The following LNPK variants were observed in gnomAD, a reference collection of about 807,000 sequenced individuals.
LNPK encodes endoplasmic reticulum junction formation protein lunapark.
In LNPK, 29 loss-of-function variants were observed where a neutral mutation model predicts 55.2. That is an observed-to-expected ratio of 0.53 (90% CI 0.39 to 0.72). The LOEUF (loss-of-function observed/expected upper bound fraction) is 0.72. LNPK is among the 30% of genes least tolerant of loss of function. The probability of loss-of-function intolerance (pLI) is 0.00; values close to 1 mark genes in which losing one functional copy is unlikely to be tolerated. For synonymous variants in LNPK, 162 were observed against 168.2 expected (o/e 0.96, Z 0.29); for missense variants, 467 against 494.8 (o/e 0.94, Z 0.53).
intron 9 of LNPK, among the ~76,000 whole-genome samples, chr2:175,944,306 T>C (rs953102015): frequency 2.0e-5 from 3 of 152,104 alleles, no homozygotes; most frequent in African/African-American, 7.2e-5. Flanking sequence ...ACTGTGTTCA[T>C]GTAATAAATT....
At chr2:175,937,281 T>C (rs1302871976) in intron 12 of LNPK, 63 bp downstream of exon 12, 19 of 1,466,728 alleles carry the variant, frequency 1.3e-5, no homozygotes, top group Non-Finnish European at 1.5e-5. Flanking sequence ...AAAAGCATTA[T>C]GCTTTTATTA....
intron 12 of LNPK, among the ~76,000 whole-genome samples, chr2:175,934,713 C>T (rs540240899): frequency 6.6e-6 from 1 of 151,512 alleles, no homozygotes; most frequent in African/African-American, 2.4e-5. Context: ...TATTACGGTA[C>T]TATCTATTTA....
intron 4 of LNPK, among the ~76,000 whole-genome samples, chr2:175,988,867 G>A (rs528422609): frequency 2.6e-5 from 4 of 152,188 alleles, no homozygotes; most frequent in South Asian, 2.1e-4. Flanking sequence ...TCTGCCTCCC[G>A]GGTTCACGCC....
At chr2:175,977,840 G>A (rs1364874787) in intron 5 of LNPK, among the ~76,000 whole-genome samples, 1 of 152,092 alleles carries the variant, frequency 6.6e-6, no homozygotes, top group Non-Finnish European at 1.5e-5. Flanking sequence ...GGTTAGGAGA[G>A]GTTTTTTCCC....
intron 11 of LNPK, chr2:175,937,837 AG>A (rs1395624856): frequency 1.0e-5 from 2 of 195,816 alleles, no homozygotes; most frequent in African/African-American, 4.7e-5. Flanking sequence ...TTACATTTCT[AG>A]TAACCAGAAT....
chr2:175,958,091 C>A (rs910490436), intron 8 of LNPK, among the ~76,000 whole-genome samples: 3 of 152,228 alleles, frequency 2.0e-5, no homozygotes, highest in African/African-American at 7.2e-5. Flanking sequence ...CTCAGCTCAA[C>A]CAGGCCTGCC....
Position 175,993,316 on chromosome 2 carries a change from T to A in LNPK, c.28-93A>T, listed in dbSNP as rs1206297447. ...CATTAAAGAACATTTATTTCAAAAT[T>A]AAATTTTCTCAAATCTTGTCAAATA... is the stretch of plus-strand genomic sequence containing the variant. On this transcript the variant is annotated intron_variant, in intron 2 of 12. Transcript: ENST00000272748. 4.1e-6 allele frequency: 3 copies of A among 724,040 alleles called. No homozygotes were observed. The African/African-American group carries it at 5.6e-5, about 14-fold the overall frequency. The allele number at this position is 724,040 out of a possible 1,614,324, so 44.9% of individuals were successfully genotyped here.
intron 5 of LNPK, among the ~76,000 whole-genome samples, chr2:175,975,874 A>G (rs1686885359): frequency 6.6e-6 from 1 of 152,148 alleles, no homozygotes; most frequent in Non-Finnish European, 1.5e-5. Flanking sequence ...TTAGCTGGGC[A>G]TGGTGGCGGG....
chr2:175,932,057 C>T (rs949394865), intron 12 of LNPK: 2 of 388,622 alleles, frequency 5.1e-6, no homozygotes, highest in Non-Finnish European at 1.0e-5. Flanking sequence ...AATGAAAAAA[C>T]AAAAAGCTAA....
At chr2:175,994,795 C>T (rs114230339) in intron 2 of LNPK, among the ~76,000 whole-genome samples, 2,455 of 152,220 alleles carry the variant, frequency 0.016, 72 homozygotes, top group African/African-American at 0.055. Context: ...AATCAAACTG[C>T]ATTTCTAATT....
Position 176,000,514 on chromosome 2 carries a change from A to G in LNPK, c.-63+1646T>C, listed in dbSNP as rs558324364. ...AAAGCACCTATTTCATAATTCTAAA[A>G]TTGGAAAATTATATTAGTTTGTATT... is the stretch of plus-strand genomic sequence containing the variant. On this transcript the variant is annotated intron_variant, in intron 1 of 12. Transcript: ENST00000272748. Among the ~76,000 whole-genome samples, 8 of 152,348 alleles carry G rather than the reference A, an allele frequency of 5.3e-5. No individual in the cohort carries two copies. In the South Asian group the frequency reaches 1.7e-3, roughly 32 times the overall value.
chr2:175,944,506 A>C (rs1187266147), intron 9 of LNPK, among the ~76,000 whole-genome samples: 1 of 152,192 alleles, frequency 6.6e-6, no homozygotes, highest in East Asian at 1.9e-4. Flanking sequence ...CTCTGAATTG[A>C]GACAACACAG....
At position 175,937,633 on chromosome 2, in the gene LNPK, T is replaced by C. The variant is rs1684620093; in HGVS notation, c.884-119A>G. 4.7e-6 allele frequency: 3 copies of C among 642,548 alleles called. No homozygotes were observed. In the Admixed American group the frequency reaches 9.1e-5, roughly 20 times the overall value. 39.8% of individuals were successfully genotyped at this position (642,548 alleles called of 1,614,324 possible). A position where few individuals can be genotyped will look rare whatever the true frequency, so the allele number is the denominator to read the frequency against. On this transcript the variant is annotated intron_variant, in intron 11 of 12. Transcript: ENST00000272748. ...CAAAAGAACCTTTTAAAAGTTACTGTGTATGTTATTTAAATAATAATATGG... is the reference window on the plus strand; with the variant it reads ...CAAAAGAACCTTTTAAAAGTTACTGCGTATGTTATTTAAATAATAATATGG...
intron 12 of LNPK, among the ~76,000 whole-genome samples, chr2:175,931,685 G>A (rs1029074805): frequency 6.6e-6 from 1 of 152,006 alleles, no homozygotes; most frequent in African/African-American, 2.4e-5. Context: ...TCTTAACATG[G>A]CACTTAAAAT....
chr2:175,953,266 C>A (rs539033805), intron 8 of LNPK, among the ~76,000 whole-genome samples: 10 of 152,146 alleles, frequency 6.6e-5, no homozygotes, highest in African/African-American at 2.4e-4. Flanking sequence ...ACTCTATTTT[C>A]TCTCTCTGGG....
rs1327165337 is a variant in LNPK at position 175,971,534 on chromosome 2, A to G, written c.317-730T>C. ...AGAACTTATGGCTTGAATATTATCA[A>G]ATGAAATGTAAATAACTGTTCTTAA... is the stretch of plus-strand genomic sequence containing the variant. On this transcript the variant is annotated intron_variant, in intron 5 of 12. Coordinates refer to ENST00000272748, the MANE Select transcript of LNPK (RefSeq NM_030650.3). Among the ~76,000 whole-genome samples the G allele has an allele frequency of 2.0e-5, 3 of 152,146 alleles. No individual in the cohort carries two copies. In the East Asian group the frequency reaches 5.8e-4, roughly 29 times the overall value.
upstream of LNPK, chr2:176,002,348 C>A: frequency 2.4e-6 from 1 of 414,184 alleles, no homozygotes; most frequent in Admixed American, 2.7e-5. Flanking sequence ...GCGCCGCTCC[C>A]CCGTCACGTG....
At chr2:176,001,803 A>G (rs150329894) in intron 1 of LNPK, among the ~76,000 whole-genome samples, 155 of 152,166 alleles carry the variant, frequency 1.0e-3, no homozygotes, top group African/African-American at 3.3e-3. Context: ...CTGTGTCGAG[A>G]TAAGCTCGAC....
intron 9 of LNPK, among the ~76,000 whole-genome samples, chr2:175,943,533 C>T (rs371613161): frequency 7.2e-5 from 11 of 151,896 alleles, no homozygotes; most frequent in Admixed American, 2.6e-4. Flanking sequence ...ATTAGCAAAT[C>T]GAAGCCAACA....
Sources: gnomAD v4.1 joint callset for allele counts (sites outside exome capture counted in the v4.1 genomes callset) on GRCh38, gnomAD v4.1.1 for gene constraint, MANE v1.5 for transcripts, NCBI Gene and HGNC (gene_info 2026-07-23, HGNC 2026-07-21) for gene names.